DAB1: variants seen among roughly 807,000 people sequenced by gnomAD.
The protein encoded by DAB1 is disabled homolog 1.
Under a neutral mutation model 64.6 loss-of-function variants are expected in DAB1, and 15 were observed. That is an observed-to-expected ratio of 0.23 (90% CI 0.16 to 0.36). The LOEUF is 0.36. DAB1 is among the 10% of genes least tolerant of loss of function. The pLI, the probability that DAB1 is intolerant of heterozygous loss-of-function variation, is 1.00. For synonymous variants in DAB1, 235 were observed against 251.9 expected (o/e 0.93, Z 0.64); for missense variants, 596 against 706.7 (o/e 0.84, Z 1.78).
chr1:57,556,179 T>C (rs1174275664), intron 7 of DAB1, among the ~76,000 whole-genome samples: 3 of 152,232 alleles, frequency 2.0e-5, no homozygotes, highest in Non-Finnish European at 4.4e-5. Context: ...ACTCATTGAT[T>C]GATGGGCATT....
At chr1:57,352,811 G>A (rs1678690683) in intron 1 of DAB1, among the ~76,000 whole-genome samples, 1 of 152,104 alleles carries the variant, frequency 6.6e-6, no homozygotes, top group South Asian at 2.1e-4. Flanking sequence ...TTTGAATAAA[G>A]TTGATTACCC....
At position 58,379,042 on chromosome 1, in the gene DAB1, G is replaced by A. The variant is rs61779016; in HGVS notation, n.258-35639C>T. On this transcript the variant is annotated intron_variant and non_coding_transcript_variant, in intron 3 of 20. Transcript: ENST00000485760. Reference sequence around the variant, plus strand: ...AATGCCTCGCCCTGCTTCGGCTCGCGCATGGTGCGCGCACCCACTGGCCTG... The same window carrying A: ...AATGCCTCGCCCTGCTTCGGCTCGCACATGGTGCGCGCACCCACTGGCCTG... 6.7e-3 allele frequency among the ~76,000 whole-genome samples: 1,020 copies of A among 151,378 alleles called. 1 individual carries two copies. Among genetic ancestry groups the A allele is most frequent in the Non-Finnish European group, 0.011 (737 of 67,824 alleles).
At chr1:57,175,740 T>A (rs1662241249) in intron 2 of DAB1, among the ~76,000 whole-genome samples, 1 of 152,186 alleles carries the variant, frequency 6.6e-6, no homozygotes, top group Admixed American at 6.5e-5. Flanking sequence ...ATTCAGGTGC[T>A]TGCTATCTGC....
chr1:57,573,374 G>A (rs35023196), intron 7 of DAB1, among the ~76,000 whole-genome samples: 30,382 of 152,100 alleles, frequency 0.2, 3,396 homozygotes, highest in Non-Finnish European at 0.24. Context: ...TTACAGGCAT[G>A]AGCCACCATG....
chr1:57,259,537 A>T (rs1670023203), intron 2 of DAB1, among the ~76,000 whole-genome samples: 2 of 152,188 alleles, frequency 1.3e-5, no homozygotes, highest in Admixed American at 6.5e-5. Context: ...GACTTAAAAA[A>T]TGAGGGGCAG....
At chr1:57,679,389 G>T (rs1475170324) in intron 6 of DAB1, among the ~76,000 whole-genome samples, 1 of 152,152 alleles carries the variant, frequency 6.6e-6, no homozygotes, top group African/African-American at 2.4e-5. Context: ...TATTAACTGT[G>T]GAATAGGCTG....
intron 3 of DAB1, among the ~76,000 whole-genome samples, chr1:58,460,815 G>A (rs1223168509): frequency 6.6e-6 from 1 of 152,160 alleles, no homozygotes; most frequent in Non-Finnish European, 1.5e-5. Flanking sequence ...GGTTTACTAA[G>A]ATGCAATTTA....
chr1:57,700,235 C>T (rs1327721971), intron 6 of DAB1, among the ~76,000 whole-genome samples: 1 of 152,160 alleles, frequency 6.6e-6, no homozygotes, highest in Non-Finnish European at 1.5e-5. Context: ...TAATTTCCCT[C>T]AACTGTATTC....
upstream of DAB1, among the ~76,000 whole-genome samples, chr1:57,428,819 C>T (rs770254645): frequency 2.9e-5 from 4 of 138,172 alleles, no homozygotes; most frequent in Non-Finnish European, 4.6e-5. Context: ...TTTGCACCAA[C>T]ACTTCTTACA....
intron 6 of DAB1, among the ~76,000 whole-genome samples, chr1:57,695,424 GAAAGAAAGAAAA>G (rs1456351293): frequency 2.5e-5 from 3 of 119,964 alleles, no homozygotes; most frequent in Admixed American, 2.5e-4. Flanking sequence ...AAGAAAGAAA[GAAAGAAAGAAAA>G]AAGAAGAAAA....
intron 4 of DAB1, among the ~76,000 whole-genome samples, chr1:58,276,403 CAAAG>C (rs1557720657): frequency 1.3e-5 from 2 of 151,994 alleles, no homozygotes; most frequent in Non-Finnish European, 2.9e-5. Context: ...GTGCTTTTCA[CAAAG>C]GAAGGATGGA....
chr1:57,918,668 C>CA (rs1242556397), intron 5 of DAB1, among the ~76,000 whole-genome samples: 6 of 151,960 alleles, frequency 3.9e-5, no homozygotes, highest in Non-Finnish European at 5.9e-5. Context: ...ACTAAAAATA[C>CA]AAAAAATTAG....
chr1:57,479,559 C>G (rs1348591073), intron 7 of DAB1, among the ~76,000 whole-genome samples: 1 of 151,988 alleles, frequency 6.6e-6, no homozygotes, highest in East Asian at 1.9e-4. Flanking sequence ...ATTTATTTAG[C>G]TCATGAATAT....
intron 4 of DAB1, among the ~76,000 whole-genome samples, chr1:58,217,393 C>T (rs1276420694): frequency 6.6e-6 from 1 of 152,152 alleles, no homozygotes; most frequent in Non-Finnish European, 1.5e-5. Context: ...ACAGGAGTCC[C>T]CAGGGGTAGC....
At chr1:57,724,542 A>C (rs1647186441) in intron 6 of DAB1, among the ~76,000 whole-genome samples, 1 of 152,162 alleles carries the variant, frequency 6.6e-6, no homozygotes, top group Non-Finnish European at 1.5e-5. Flanking sequence ...CCAGGAGTGA[A>C]ATTCTGAAAT....
chr1:57,686,059 T>A (rs911762289), intron 6 of DAB1, among the ~76,000 whole-genome samples: 1 of 151,780 alleles, frequency 6.6e-6, no homozygotes, highest in African/African-American at 2.4e-5. Context: ...ATACCTAAAT[T>A]AGAGAAGAAT....
chr1:57,005,559 T>C (rs114932243), intron 14 of DAB1, among the ~76,000 whole-genome samples: 1 of 152,288 alleles, frequency 6.6e-6, no homozygotes, highest in African/African-American at 2.4e-5. Context: ...TTGGGCAAGT[T>C]AGATGGTCTT....
intron 2 of DAB1, among the ~76,000 whole-genome samples, chr1:57,151,419 T>C (rs1459142274): frequency 1.3e-5 from 2 of 152,154 alleles, no homozygotes; most frequent in South Asian, 2.1e-4. Context: ...GGAGTTTTGC[T>C]GTAATTTTCT....
chr1:57,048,966 A>G (rs78853910), intron 9 of DAB1, among the ~76,000 whole-genome samples: 6,001 of 152,278 alleles, frequency 0.039, 125 homozygotes, highest in South Asian at 0.063. Flanking sequence ...AACAAGTTTC[A>G]GATTTAACAG....
Sources: gnomAD v4.1 joint callset for allele counts (sites outside exome capture counted in the v4.1 genomes callset) on GRCh38, gnomAD v4.1.1 for gene constraint, MANE v1.5 for transcripts, NCBI Gene and HGNC (gene_info 2026-07-23, HGNC 2026-07-21) for gene names.